PRH1: variants seen among roughly 807,000 people sequenced by gnomAD.
PRH1 encodes proline rich protein HaeIII subfamily 1.
In PRH1, 7 loss-of-function variants were observed where a neutral mutation model predicts 7.9. The ratio of observed to expected loss-of-function variants is 0.89; its 90% CI spans 0.50 to 1.67. The LOEUF (loss-of-function observed/expected upper bound fraction) is 1.67. PRH1 is among the 40% of genes most tolerant of loss of function. The pLI is 0.00. For missense variants in PRH1, 109 were observed against 223.6 expected (o/e 0.49, Z 3.27); for synonymous variants, 45 against 80.8 (o/e 0.56, Z 2.38).
chr12:11,098,995 T>C (rs1396052808), intron 1 of PRH1, among the ~76,000 whole-genome samples: 2 of 152,142 alleles, frequency 1.3e-5, no homozygotes, highest in Non-Finnish European at 2.9e-5. Flanking sequence ...TATCTCTAAT[T>C]CTTAGGCCTT....
chr12:11,001,280 C>G (rs1406348181), intron 1 of PRH1, among the ~76,000 whole-genome samples: 5 of 152,050 alleles, frequency 3.3e-5, no homozygotes, highest in Admixed American at 3.3e-4. Flanking sequence ...ATTATAGCAC[C>G]TCAACCCTAG....
chr12:11,037,726 C>T lies in PRH1; in HGVS notation c.-126+9294G>A, dbSNP rs527476484. 3.3e-5 allele frequency among the ~76,000 whole-genome samples: 5 copies of T among 152,124 alleles called. No homozygotes were observed. In the East Asian group the frequency reaches 5.8e-4, roughly 18 times the overall value. On this transcript the variant is annotated intron_variant, in intron 1 of 3. Transcript: ENST00000539853. ...GGATTTACAGTTCTTGCTTATCTCT[C>T]CTTTTTTAAAATTAATTTAAGAAAA...
chr12:10,893,051 T>G (rs1426007398), intron 2 of PRH1, among the ~76,000 whole-genome samples: 1 of 152,242 alleles, frequency 6.6e-6, no homozygotes, highest in Non-Finnish European at 1.5e-5. Context: ...CAGTCCTAAT[T>G]GCTATTATGG....
intron 1 of PRH1, among the ~76,000 whole-genome samples, chr12:11,112,605 C>G (rs879664730): frequency 1.6e-4 from 25 of 152,264 alleles, no homozygotes; most frequent in Admixed American, 4.6e-4. Context: ...ATTCAACATG[C>G]CTTCATGCTA....
At chr12:11,036,810 C>T (rs564007878) in intron 1 of PRH1, among the ~76,000 whole-genome samples, 1 of 152,102 alleles carries the variant, frequency 6.6e-6, no homozygotes, top group East Asian at 1.9e-4. Context: ...AAACAAACCA[C>T]TTCATGATAT....
upstream of PRH1, among the ~76,000 whole-genome samples, chr12:11,051,419 TTC>T (rs1943138522): frequency 6.6e-6 from 1 of 152,214 alleles, no homozygotes; most frequent in African/African-American, 2.4e-5. Flanking sequence ...GGAACATTTC[TTC>T]TGATTAATAA....
intron 1 of PRH1, among the ~76,000 whole-genome samples, chr12:11,152,571 G>A (rs966568090): frequency 6.6e-6 from 1 of 151,870 alleles, no homozygotes; most frequent in Non-Finnish European, 1.5e-5. Flanking sequence ...CCACTTTTAT[G>A]TTTATTGACA....
At chr12:11,156,821 C>T (rs1487610924) in intron 1 of PRH1, among the ~76,000 whole-genome samples, 4 of 150,864 alleles carry the variant, frequency 2.7e-5, no homozygotes, top group Non-Finnish European at 5.9e-5. Flanking sequence ...CTTTTACCCA[C>T]ACTTTGGTCA....
intron 1 of PRH1, among the ~76,000 whole-genome samples, chr12:11,126,722 G>A (rs1399852181): frequency 6.6e-6 from 1 of 152,132 alleles, no homozygotes; most frequent in Non-Finnish European, 1.5e-5. Context: ...AACTGTACTA[G>A]ACATATTTCC....
chr12:11,063,558 T>A (rs925567041), intron 1 of PRH1, among the ~76,000 whole-genome samples: 1 of 151,974 alleles, frequency 6.6e-6, no homozygotes, highest in African/African-American at 2.4e-5. Context: ...TTAAAAAAAA[T>A]GAAATCCAAC....
At chr12:11,154,083 C>A (rs1246110274) in intron 1 of PRH1, among the ~76,000 whole-genome samples, 3 of 152,028 alleles carry the variant, frequency 2.0e-5, no homozygotes, top group Admixed American at 2.0e-4. Context: ...TCAACATACT[C>A]AATACTGGAG....
Position 11,108,774 on chromosome 12 carries a change from T to A in PRH1, n.124-61586A>T, listed in dbSNP as rs1016332392. Among the ~76,000 whole-genome samples, 8 of 152,148 alleles carry A rather than the reference T, an allele frequency of 5.3e-5. No homozygotes were observed. In the East Asian group the frequency reaches 1.4e-3, roughly 26 times the overall value. ...GCAGACACCAAGCTAGCTGCAGAAGTTTTTTGTCATACCCCAGTGGTGCCT... is the reference window on the plus strand; with the variant it reads ...GCAGACACCAAGCTAGCTGCAGAAGATTTTTGTCATACCCCAGTGGTGCCT... On this transcript the variant is annotated intron_variant and non_coding_transcript_variant, in intron 1 of 4. Coordinates refer to the PRH1 transcript ENST00000541977.
chr12:11,170,908 A>G (rs1452600777), intron 1 of PRH1, among the ~76,000 whole-genome samples: 7 of 149,334 alleles, frequency 4.7e-5, no homozygotes, highest in Non-Finnish European at 8.8e-5. Flanking sequence ...ATCTTGCCCT[A>G]ATATTAATAT....
At chr12:11,021,149 A>G (rs543199299) in intron 1 of PRH1, among the ~76,000 whole-genome samples, 12 of 152,304 alleles carry the variant, frequency 7.9e-5, no homozygotes, top group Admixed American at 2.6e-4. Flanking sequence ...CAACAATTCT[A>G]TTTGCTTTCT....
upstream of PRH1, among the ~76,000 whole-genome samples, chr12:10,885,602 C>G (rs1949479075): frequency 6.6e-6 from 1 of 152,218 alleles, no homozygotes; most frequent in Non-Finnish European, 1.5e-5. Flanking sequence ...AAAGCCCTGT[C>G]AGAGTCCTGG....
chr12:10,884,401 C>G, upstream of PRH1: 1 of 667,086 alleles, frequency 1.5e-6, no homozygotes, highest in Non-Finnish European at 2.6e-6. Context: ...TTTTGGGACT[C>G]TAGCTCAGCA....
At chr12:10,886,749 C>A (rs1252134393), upstream of PRH1, among the ~76,000 whole-genome samples, 2 of 152,200 alleles carry the variant, frequency 1.3e-5, no homozygotes, top group African/African-American at 2.4e-5. Context: ...TTTTCTCGGT[C>A]ACTGACAGGT....
At chr12:10,982,190 G>A (rs1939389280) in intron 1 of PRH1, among the ~76,000 whole-genome samples, 1 of 152,070 alleles carries the variant, frequency 6.6e-6, no homozygotes, top group Admixed American at 6.5e-5. Context: ...CAGGACCAAG[G>A]GGAGGCTTCT....
chr12:10,953,172 C>T (rs1187464341), intron 2 of PRH1, among the ~76,000 whole-genome samples: 1 of 151,650 alleles, frequency 6.6e-6, no homozygotes, highest in Non-Finnish European at 1.5e-5. Context: ...AATATCAGCC[C>T]ACAGAGATGA....
Sources: gnomAD v4.1 joint callset for allele counts (sites outside exome capture counted in the v4.1 genomes callset) on GRCh38, gnomAD v4.1.1 for gene constraint, MANE v1.5 for transcripts, NCBI Gene and HGNC (gene_info 2026-07-23, HGNC 2026-07-21) for gene names.